FYB2: variants seen among roughly 807,000 people sequenced by gnomAD.
FYB2 encodes the protein FYN-binding protein 2.
A neutral mutation model predicts 94.1 loss-of-function variants in FYB2; 103 were observed. The observed-to-expected ratio is 1.09, with a 90% confidence interval of 0.93 to 1.29. The LOEUF (loss-of-function observed/expected upper bound fraction) is 1.29, where lower values mean the gene tolerates loss of function less well. FYB2 is among the 50% of genes most tolerant of loss of function. The pLI is 0.00. For synonymous variants in FYB2, 293 were observed against 287.9 expected (o/e 1.02, Z -0.18); for missense variants, 896 against 841.5 (o/e 1.06, Z -0.80).
intron 16 of FYB2, 91 bp from the exon 17 acceptor site, chr1:56,723,772 T>A (rs1033666280): frequency 4.3e-6 from 3 of 699,946 alleles, no homozygotes; most frequent in African/African-American, 1.8e-5. Context: ...TCAGGATAAA[T>A]TCAGGTATAA....
intron 8 of FYB2, 128 bp from the exon 9 acceptor site, chr1:56,751,331 A>C (rs1163676802): frequency 9.6e-7 from 1 of 1,037,250 alleles, no homozygotes; most frequent in African/African-American, 1.6e-5. Flanking sequence ...AACATTGAAT[A>C]ATATCTTACT....
At chr1:56,819,072 G>T (rs1487023007) in intron 1 of FYB2, among the ~76,000 whole-genome samples, 1 of 152,136 alleles carries the variant, frequency 6.6e-6, no homozygotes, top group Non-Finnish European at 1.5e-5. Context: ...ACTCCAGGTG[G>T]CACAGGACAT....
chr1:56,771,035 G>A (rs1304844058), intron 4 of FYB2, among the ~76,000 whole-genome samples: 1 of 152,136 alleles, frequency 6.6e-6, no homozygotes, highest in Non-Finnish European at 1.5e-5. Context: ...AGTATGAATT[G>A]TCACAACCAT....
In FYB2 at chr1:56,719,648, C is replaced by A; in HGVS notation, c.*23G>T. 6.3e-7 allele frequency: 1 copy of A among 1,594,108 alleles called. No individual in the cohort carries two copies. Among genetic ancestry groups the A allele is most frequent in the South Asian group, 1.1e-5 (1 of 90,184 alleles). ...AGGACTAGTTCTCCTTTGTGCAGTC[C>A]ATAGCATTTGATCTTGATTTTTCTA... On this transcript the variant is annotated 3_prime_UTR_variant, in exon 20 of 20. Transcript: ENST00000343433.
intron 1 of FYB2, among the ~76,000 whole-genome samples, chr1:56,818,617 A>T (rs767980460): frequency 2.0e-5 from 3 of 152,156 alleles, no homozygotes; most frequent in Non-Finnish European, 4.4e-5. Context: ...CAACTGTGCC[A>T]ACAGCACTCA....
At chr1:56,739,601 G>A (rs1644905362) in intron 13 of FYB2, among the ~76,000 whole-genome samples, 1 of 152,170 alleles carries the variant, frequency 6.6e-6, no homozygotes, top group East Asian at 1.9e-4. Context: ...TATCTACACA[G>A]ATGTTCCCAG....
intron 5 of FYB2, among the ~76,000 whole-genome samples, chr1:56,766,770 AT>A (rs1203364813): frequency 1.3e-5 from 2 of 152,146 alleles, no homozygotes; most frequent in African/African-American, 4.8e-5. Flanking sequence ...GAAGAGGGAA[AT>A]TTCAGTAGGT....
At chr1:56,789,223 T>C in intron 2 of FYB2, 89 bp from the exon 3 acceptor site, 1 of 1,391,242 alleles carries the variant, frequency 7.2e-7, no homozygotes, top group Admixed American at 2.6e-5. Flanking sequence ...TCCATCTAAG[T>C]CCCGTCCAAT....
chr1:56,764,751 G>A (rs551258521), intron 5 of FYB2, among the ~76,000 whole-genome samples: 6 of 152,036 alleles, frequency 3.9e-5, no homozygotes, highest in East Asian at 1.9e-4. Context: ...TTCAGCTGCC[G>A]TAACAAAATA....
chr1:56,728,194 C>T (rs1029399918), intron 15 of FYB2, among the ~76,000 whole-genome samples: 2 of 152,070 alleles, frequency 1.3e-5, no homozygotes, highest in South Asian at 2.1e-4. Flanking sequence ...GTTGTCTACT[C>T]CCCCTCTTAC....
At chr1:56,723,478 A>T (rs1199947201) in intron 17 of FYB2, 110 bp downstream of exon 17, 20 of 574,772 alleles carry the variant, frequency 3.5e-5, no homozygotes, top group Non-Finnish European at 5.9e-5. Flanking sequence ...GTCAAAGATC[A>T]TGTCTGTATC....
At chr1:56,758,961 T>C (rs889967439) in intron 5 of FYB2, among the ~76,000 whole-genome samples, 2 of 152,168 alleles carry the variant, frequency 1.3e-5, no homozygotes, top group African/African-American at 4.8e-5. Context: ...GAATGGAATT[T>C]ACAGTCGATG....
chr1:56,755,880 G>T lies in FYB2; in HGVS notation c.1130+16C>A, dbSNP rs1774808. Reference sequence around the variant, plus strand: ...GTGCTTGGACAGGTGCTTTTCTTTTGAAAGATAAAACTCACCTAGGTTCTG... The same window carrying T: ...GTGCTTGGACAGGTGCTTTTCTTTTTAAAGATAAAACTCACCTAGGTTCTG... On this transcript the variant is annotated intron_variant, in intron 7 of 19. Transcript: ENST00000343433. 1,106,623 of 1,591,524 alleles carry T rather than the reference G, an allele frequency of 0.7. 389,781 individuals carry two copies. Among genetic ancestry groups the T allele is most frequent in the East Asian group, 0.92 (41,078 of 44,672 alleles).
chr1:56,761,807 C>T (rs1645501237), intron 5 of FYB2: 1 of 152,114 alleles, frequency 6.6e-6, no homozygotes, highest in South Asian at 2.1e-4. Flanking sequence ...TCCCTTCCGT[C>T]TCTCTCTCCC....
intron 4 of FYB2, among the ~76,000 whole-genome samples, chr1:56,770,723 A>G (rs1214192326): frequency 6.6e-6 from 1 of 152,180 alleles, no homozygotes; most frequent in Non-Finnish European, 1.5e-5. Context: ...TTACCCTCCA[A>G]CAAATAACAT....
rs762613634 is a variant in FYB2, at chr1:56,751,141, C to T, written c.1290G>A (p.Arg430=). The change falls in exon 9 of 20, where the codon AGG becomes AGA. Residue 430 remains arginine (R), a synonymous_variant. Transcript: ENST00000343433. ...CCTCTTGCTTTCCAGCCAACATGTT[C>T]CTTCTACCTGTGTGGACGTTGGTCA... ...IQMTNVHTGR[R]NMLAGKQEAM... 2 of 1,612,758 alleles carry T rather than the reference C, an allele frequency of 1.2e-6. No individual in the cohort carries two copies. The highest frequency in any genetic ancestry group is 1.7e-5 in the Admixed American group (1 of 59,844).
intron 4 of FYB2, among the ~76,000 whole-genome samples, chr1:56,776,239 G>A (rs1645873232): frequency 6.6e-6 from 1 of 152,144 alleles, no homozygotes; most frequent in Admixed American, 6.6e-5. Flanking sequence ...TTGTTAGGCT[G>A]ACCCAAGAGT....
chr1:56,774,336 A>G (rs975689142), intron 4 of FYB2, among the ~76,000 whole-genome samples: 1 of 152,148 alleles, frequency 6.6e-6, no homozygotes, highest in Admixed American at 6.5e-5. Flanking sequence ...ATGAAATGAT[A>G]TAATTTATGC....
At chr1:56,822,442 A>C (rs1200752722), upstream of FYB2, among the ~76,000 whole-genome samples, 1 of 152,244 alleles carries the variant, frequency 6.6e-6, no homozygotes, top group Non-Finnish European at 1.5e-5. Flanking sequence ...ACTTAGGCTG[A>C]AGTTTGGCTC....
Sources: gnomAD v4.1 joint callset for allele counts (sites outside exome capture counted in the v4.1 genomes callset) on GRCh38, gnomAD v4.1.1 for gene constraint, MANE v1.5 for transcripts, NCBI Gene and HGNC (gene_info 2026-07-23, HGNC 2026-07-21) for gene names.